IGF1: variants seen among roughly 807,000 people sequenced by gnomAD.
IGF1 encodes the protein insulin-like growth factor 1.
In IGF1, 4 loss-of-function variants were observed where a neutral mutation model predicts 13.8. The observed-to-expected ratio is 0.29, with a 90% CI of 0.14 to 0.66. The LOEUF is 0.66. Among genes scored for constraint, IGF1 ranks in the 30% least tolerant of loss-of-function variants. IGF1 has a pLI of 0.78. For missense variants in IGF1, 124 were observed against 188.5 expected (o/e 0.66, Z 2.00); for synonymous variants, 76 against 72.6 (o/e 1.05, Z -0.23).
chr12:102,437,002 C>T (rs949865361), intron 2 of IGF1, among the ~76,000 whole-genome samples: 1 of 152,212 alleles, frequency 6.6e-6, no homozygotes, highest in Non-Finnish European at 1.5e-5. Flanking sequence ...CCTCCAGGCC[C>T]CTGTTTCCAT....
intron 2 of IGF1, among the ~76,000 whole-genome samples, chr12:102,454,712 C>T (rs1291260028): frequency 6.6e-6 from 1 of 152,174 alleles, no homozygotes; most frequent in East Asian, 1.9e-4. Flanking sequence ...ATGTAAGATT[C>T]GCCATGAAGG....
intron 1 of IGF1, chr12:102,478,695 G>T (rs1261544476): frequency 1.1e-5 from 14 of 1,305,982 alleles, no homozygotes; most frequent in Admixed American, 3.2e-5. Flanking sequence ...TTGAAACAAT[G>T]AACAAATTGC....
At chr12:102,441,928 C>CTTCTTCTTCTTCTTCTTCTTCTTCTTA (rs1877820421) in intron 2 of IGF1, among the ~76,000 whole-genome samples, 2 of 128,766 alleles carry the variant, frequency 1.6e-5, no homozygotes, top group Non-Finnish European at 3.3e-5. Flanking sequence ...TCTTCTTCTT[C>CTTCTTCTTCTTCTTCTTCTTCTTCTTA]TTCTTCTTCT....
At chr12:102,405,044 A>G (rs1277514838) in intron 3 of IGF1, among the ~76,000 whole-genome samples, 3 of 151,222 alleles carry the variant, frequency 2.0e-5, no homozygotes, top group Non-Finnish European at 4.4e-5. Context: ...GGCGTAAGCT[A>G]AATGTGTGTT....
intron 2 of IGF1, among the ~76,000 whole-genome samples, chr12:102,466,425 G>A (rs1034301076): frequency 6.6e-5 from 10 of 152,174 alleles, no homozygotes; most frequent in African/African-American, 2.2e-4. Flanking sequence ...CTGGGAGGAA[G>A]GGACTGCTGG....
At chr12:102,418,189 C>T (rs964901222) in intron 3 of IGF1, among the ~76,000 whole-genome samples, 8 of 152,218 alleles carry the variant, frequency 5.3e-5, no homozygotes, top group African/African-American at 1.9e-4. Context: ...ACACCTACCC[C>T]CTCCCCAGTT....
intron 2 of IGF1, among the ~76,000 whole-genome samples, chr12:102,436,562 A>G (rs1237716683): frequency 1.3e-5 from 2 of 152,136 alleles, no homozygotes; most frequent in Non-Finnish European, 2.9e-5. Context: ...CACCTTCAGT[A>G]CCACATCATC....
chr12:102,448,440 C>CA (rs1465294884), intron 2 of IGF1, among the ~76,000 whole-genome samples: 3 of 144,616 alleles, frequency 2.1e-5, no homozygotes, highest in African/African-American at 7.7e-5. Context: ...ATCGCAAGAA[C>CA]AAAAAACCAA....
chr12:102,476,210 C>A (rs1357439179), intron 1 of IGF1, among the ~76,000 whole-genome samples: 5 of 152,024 alleles, frequency 3.3e-5, no homozygotes, highest in African/African-American at 1.2e-4. Context: ...AGATTTGGGG[C>A]CAAATAAGTT....
rs1873291380 is a variant in IGF1, at chr12:102,397,282, G to T, written c.*5225C>A. 1 of 153,068 alleles carries T rather than the reference G, an allele frequency of 6.5e-6. No homozygotes were observed. The highest frequency in any genetic ancestry group is 2.4e-5 in the African/African-American group (1 of 41,452). The allele number at this position is 153,068 out of a possible 1,614,324, so 9.5% of individuals were successfully genotyped here. A position where few individuals can be genotyped will look rare whatever the true frequency, so the allele number is the denominator to read the frequency against. On this transcript the variant is annotated 3_prime_UTR_variant, in exon 4 of 4. Coordinates refer to ENST00000337514, the MANE Select transcript of IGF1 (RefSeq NM_000618.5). ...TCCTTTAATTCTAGAGTTTCAGCTT[G>T]GTCAGCCCTCTATAAAATTCTGAGG...
rs1873674264 is a variant in IGF1 at position 102,401,454 on chromosome 12, T to TG, written c.*1052dup. 6.6e-6 allele frequency: 1 copy of TG among 152,646 alleles called. No individual in the cohort carries two copies. Among genetic ancestry groups the TG allele is most frequent in the Non-Finnish European group, 1.5e-5 (1 of 68,040 alleles). The allele number at this position is 152,646 out of a possible 1,614,324, so 9.5% of individuals were successfully genotyped here. A position where few individuals can be genotyped will look rare whatever the true frequency, so the allele number is the denominator to read the frequency against. ...TGAAGTTCCTCTTGGAAGGCATAAC[T>TG]GGGGGGACTTTGCCTTCTTTCCCAA... On this transcript the variant is annotated 3_prime_UTR_variant, in exon 4 of 4. Coordinates refer to ENST00000337514, the MANE Select transcript of IGF1 (RefSeq NM_000618.5).
At chr12:102,471,334 C>T (rs1880672250) in intron 2 of IGF1, among the ~76,000 whole-genome samples, 1 of 152,062 alleles carries the variant, frequency 6.6e-6, no homozygotes, top group African/African-American at 2.4e-5. Flanking sequence ...AATAAAATTC[C>T]CTTGTTCTAT....
rs956676667 is a variant in IGF1 at position 102,413,433 on chromosome 12, C to T, written c.402+6076G>A. ...TTCCCTTTAGTGGGAGGGAGGTCGTCAAGGGATGGAGGCGAGAGAAGGGGA... is the reference window on the plus strand; with the variant it reads ...TTCCCTTTAGTGGGAGGGAGGTCGTTAAGGGATGGAGGCGAGAGAAGGGGA... On this transcript the variant is annotated intron_variant, in intron 3 of 3. Transcript: ENST00000337514. Among the ~76,000 whole-genome samples the T allele has an allele frequency of 3.9e-5, 6 of 152,258 alleles. No individual in the cohort carries two copies. The South Asian group carries it at 6.2e-4, about 16-fold the overall frequency.
intron 2 of IGF1, chr12:102,423,113 G>C (rs1875878141): frequency 6.6e-6 from 1 of 152,016 alleles, no homozygotes; most frequent in South Asian, 2.1e-4. Flanking sequence ...AAACTGGCTT[G>C]GGCCCAATAT....
At chr12:102,441,958 T>TTC (rs1180940405) in intron 2 of IGF1, among the ~76,000 whole-genome samples, 46 of 41,192 alleles carry the variant, frequency 1.1e-3, no homozygotes, top group East Asian at 3.0e-3. Context: ...TCTTCTTCTT[T>TTC]TTTTTTTTTG....
intron 3 of IGF1, among the ~76,000 whole-genome samples, chr12:102,405,187 A>G (rs1352988016): frequency 6.6e-6 from 1 of 151,422 alleles, no homozygotes; most frequent in Non-Finnish European, 1.5e-5. Context: ...TCCCAGTTCA[A>G]GTGATTCTCC....
intron 3 of IGF1, among the ~76,000 whole-genome samples, chr12:102,408,706 T>G (rs1366150540): frequency 6.6e-6 from 1 of 152,172 alleles, no homozygotes; most frequent in Non-Finnish European, 1.5e-5. Context: ...GTGGGGACAT[T>G]GAGGCAGACC....
intron 2 of IGF1, among the ~76,000 whole-genome samples, chr12:102,454,149 T>C (rs999432097): frequency 6.6e-6 from 1 of 152,208 alleles, no homozygotes; most frequent in Non-Finnish European, 1.5e-5. Context: ...TGCTCTTCTA[T>C]TGAGTTAGTT....
At chr12:102,469,945 A>G (rs1880581884) in intron 2 of IGF1, among the ~76,000 whole-genome samples, 1 of 152,100 alleles carries the variant, frequency 6.6e-6, no homozygotes, top group South Asian at 2.1e-4. Flanking sequence ...CTACTACATA[A>G]TTCTTACTAC....
Sources: gnomAD v4.1 joint callset for allele counts (sites outside exome capture counted in the v4.1 genomes callset) on GRCh38, gnomAD v4.1.1 for gene constraint, MANE v1.5 for transcripts, NCBI Gene and HGNC (gene_info 2026-07-23, HGNC 2026-07-21) for gene names.